Variants in LANCL3 observed in about 807,000 individuals in gnomAD.
LANCL3 encodes the protein LanC like family member 3, also known as lanC-like protein 3.
In LANCL3, 19 loss-of-function variants were observed where a neutral mutation model predicts 26.5. The ratio of observed to expected loss-of-function variants is 0.72; its 90% CI spans 0.50 to 1.05. The LOEUF (loss-of-function observed/expected upper bound fraction) is 1.05, where lower values mean the gene tolerates loss of function less well. LANCL3 is among the 50% of genes least tolerant of loss of function. LANCL3 has a pLI of 0.00. For synonymous variants in LANCL3, 160 were observed against 166.6 expected, an observed-to-expected ratio of 0.96 and a Z score of 0.30; for missense variants, 318 against 362.7, an observed-to-expected ratio of 0.88 and a Z score of 1.00.
At chrX:37,662,100 C>A (rs1022608753) in intron 3 of LANCL3, among the ~76,000 whole-genome samples, 3 of 112,108 alleles carry the variant, frequency 2.7e-5, no homozygotes, top group Non-Finnish European at 5.6e-5. Flanking sequence ...CCCTTTTATA[C>A]TTTGGTCCTT....
At chrX:37,645,350 C>A (rs1210672369) in intron 1 of LANCL3, among the ~76,000 whole-genome samples, 1 of 111,788 alleles carries the variant, frequency 8.9e-6, no homozygotes, top group Non-Finnish European at 1.9e-5. Context: ...CTTCCTATTC[C>A]TCATAGCCCA....
chrX:37,587,891 G>A (rs1297513398), intron 1 of LANCL3, among the ~76,000 whole-genome samples: 3 of 112,399 alleles, frequency 2.7e-5, no homozygotes, highest in Non-Finnish European at 3.8e-5. Flanking sequence ...CATCTCTCAC[G>A]CTGGGAGCTG....
intron 1 of LANCL3, among the ~76,000 whole-genome samples, chrX:37,590,881 C>G (rs1275141691): frequency 8.9e-6 from 1 of 111,867 alleles, no homozygotes; most frequent in Non-Finnish European, 1.9e-5. Flanking sequence ...AGAATTTTCA[C>G]TTTTAACAAG....
rs782638375 is a variant in LANCL3, at chrX:37,587,837, G to T, written c.573+15394G>T. 9.8e-5 allele frequency among the ~76,000 whole-genome samples: 11 copies of T among 112,076 alleles called. No homozygotes were observed. The East Asian group carries it at 3.1e-3, about 32-fold the overall frequency. ...CTTTCTGACAAGCCCCAGTGAAATG[G>T]ACCCAGTACCTTAGTTGGAAATGCA... On this transcript the variant is annotated intron_variant, in intron 1 of 4. Coordinates refer to ENST00000378619, the MANE Select transcript of LANCL3 (RefSeq NM_001170331.2).
chrX:37,588,729 T>A (rs1556418499), intron 1 of LANCL3, among the ~76,000 whole-genome samples: 1 of 112,377 alleles, frequency 8.9e-6, no homozygotes, highest in Non-Finnish European at 1.9e-5. Flanking sequence ...CTTTGGCCTG[T>A]TAAAGTGTGA....
intron 3 of LANCL3, 122 bp from the exon 4 acceptor site, chrX:37,667,160 A>C (rs1926563522): frequency 2.9e-6 from 1 of 347,928 alleles, no homozygotes; most frequent in Non-Finnish European, 4.8e-6. Context: ...TCAGAACTAC[A>C]ATATTAGAAT....
At chrX:37,586,222 C>G (rs1747074253) in intron 1 of LANCL3, among the ~76,000 whole-genome samples, 1 of 111,593 alleles carries the variant, frequency 9.0e-6, no homozygotes, top group African/African-American at 3.3e-5. Flanking sequence ...CTCTGGCTAC[C>G]CTTAACGTTT....
At chrX:37,591,044 T>C (rs1556418868) in intron 1 of LANCL3, among the ~76,000 whole-genome samples, 1 of 111,873 alleles carries the variant, frequency 8.9e-6, no homozygotes, top group Non-Finnish European at 1.9e-5. Context: ...TTATCACCAC[T>C]GGAAAATAAA....
intron 1 of LANCL3, among the ~76,000 whole-genome samples, chrX:37,593,498 T>C (rs1924344440): frequency 1.8e-5 from 2 of 112,059 alleles, no homozygotes; most frequent in Admixed American, 1.9e-4. Context: ...TTTTAAAATA[T>C]GGAGATAAGT....
intron 1 of LANCL3, among the ~76,000 whole-genome samples, chrX:37,581,740 T>A (rs782333106): frequency 1.1e-4 from 12 of 112,476 alleles, no homozygotes; most frequent in African/African-American, 3.9e-4. Context: ...TCTTTTCATC[T>A]GTTAATATAC....
At chrX:37,577,317 T>G (rs1556416514) in intron 1 of LANCL3, among the ~76,000 whole-genome samples, 1 of 112,755 alleles carries the variant, frequency 8.9e-6, no homozygotes, top group Non-Finnish European at 1.9e-5. Context: ...TGCAACCATG[T>G]TACCAAAACA....
intron 1 of LANCL3, among the ~76,000 whole-genome samples, chrX:37,626,069 C>T (rs1435940385): frequency 1.8e-5 from 2 of 112,097 alleles, no homozygotes; most frequent in East Asian, 5.6e-4. Flanking sequence ...GAAAGCAGTA[C>T]AGTTACATGG....
intron 3 of LANCL3, among the ~76,000 whole-genome samples, chrX:37,666,145 A>T (rs781908524): frequency 9.8e-5 from 11 of 112,124 alleles, no homozygotes; most frequent in Admixed American, 3.8e-4. Flanking sequence ...CAAATATAAA[A>T]AGAATATGTA....
Position 37,659,554 on chromosome X carries a change from G to T in LANCL3, c.790G>T (p.Val264Leu), listed in dbSNP as rs201052827. 1.2e-5 allele frequency: 15 copies of T among 1,209,497 alleles called. No individual in the cohort carries two copies. Among genetic ancestry groups the T allele is most frequent in the Non-Finnish European group, 1.7e-5 (15 of 893,939 alleles). Residue 264 changes from valine to leucine, a missense_variant, in exon 3 of 5, where the codon GTG becomes TTG. Transcript: ENST00000378619. ...AGATCGGGAATTGGTATGGCAGAGC[G>T]TGGACTTTCTCATGGAACAGGAACA... ...PSDRELVWQS[V>L]DFLMEQEQNC...
intron 1 of LANCL3, among the ~76,000 whole-genome samples, chrX:37,648,167 T>A (rs782049699): frequency 1.8e-5 from 2 of 112,587 alleles, no homozygotes; most frequent in Non-Finnish European, 3.8e-5. Flanking sequence ...TGTCTTTTTT[T>A]AAAAAATCAA....
At chrX:37,587,597 G>C (rs1246121207) in intron 1 of LANCL3, among the ~76,000 whole-genome samples, 1 of 113,171 alleles carries the variant, frequency 8.8e-6, no homozygotes, top group African/African-American at 3.2e-5. Flanking sequence ...CTCCAAGCCA[G>C]GCATGGGATA....
chrX:37,644,941 G>A (rs1166221954), intron 1 of LANCL3, among the ~76,000 whole-genome samples: 1 of 112,304 alleles, frequency 8.9e-6, no homozygotes, highest in Non-Finnish European at 1.9e-5. Flanking sequence ...ATTGCAGTAT[G>A]CAGTCAAACG....
Position 37,572,057 on chromosome X carries a change from G to A in LANCL3, c.187G>A (p.Gly63Arg), listed in dbSNP as rs199602933. The change falls in exon 1 of 5, where the codon GGG (glycine) becomes AGG (arginine). Residue 63 changes from glycine to arginine, a missense_variant. By Grantham distance (125) the Gly-to-Arg change is moderately radical. Coordinates refer to ENST00000378619, the MANE Select transcript of LANCL3 (RefSeq NM_001170331.2). ...GACGGCGGGGGCTAGCGCCTGCCAG[G>A]GGGGGCTTTATGGCGGCGTGGCCGG... Reference protein sequence around the residue: ...GATAGASACQGGLYGGVAGVA... With the variant: ...GATAGASACQRGLYGGVAGVA... 2 of 1,182,712 alleles carry A rather than the reference G, an allele frequency of 1.7e-6. No individual in the cohort carries two copies. The highest frequency in any genetic ancestry group is 3.7e-5 in the South Asian group (2 of 54,542).
rs200002083 is a variant in LANCL3 at position 37,593,273 on chromosome X, G to GA, written c.573+20835dup. On this transcript the variant is annotated intron_variant, in intron 1 of 4. Coordinates refer to ENST00000378619, the MANE Select transcript of LANCL3 (RefSeq NM_001170331.2). ...CGGCTGAGTATTAATACCAAAGGGAGAAAAAGGAGACAAAAGTAGGACTAA... is the reference window on the plus strand; with the variant it reads ...CGGCTGAGTATTAATACCAAAGGGAGAAAAAAGGAGACAAAAGTAGGACTAA... Among the ~76,000 whole-genome samples the GA allele has an allele frequency of 4.7e-3, 522 of 111,203 alleles. 4 individuals are homozygous for GA. Among genetic ancestry groups the GA allele is most frequent in the African/African-American group, 0.016 (501 of 30,601 alleles).
Sources: gnomAD v4.1 joint callset for allele counts (sites outside exome capture counted in the v4.1 genomes callset) on GRCh38, gnomAD v4.1.1 for gene constraint, MANE v1.5 for transcripts, NCBI Gene and HGNC (gene_info 2026-07-23, HGNC 2026-07-21) for gene names.